CADM2: variants seen among roughly 807,000 people sequenced by gnomAD.
CADM2 encodes the protein cell adhesion molecule 2, also known as immunoglobulin superfamily member 4D.
In CADM2, 12 loss-of-function variants were observed where a neutral mutation model predicts 49.8. That is an observed-to-expected ratio of 0.24 (90% CI 0.15 to 0.39). CADM2 has a LOEUF of 0.39. Among genes scored for constraint, CADM2 ranks in the 10% least tolerant of loss-of-function variants. The probability of loss-of-function intolerance (pLI) is 1.00; values close to 1 mark genes in which losing one functional copy is unlikely to be tolerated. For synonymous variants in CADM2, 214 were observed against 175.4 expected, an observed-to-expected ratio of 1.22 and a Z score of -1.74; for missense variants, 378 against 492.3, an observed-to-expected ratio of 0.77 and a Z score of 2.20.
intron 7 of CADM2, among the ~76,000 whole-genome samples, chr3:85,943,568 C>T (rs1170856042): frequency 1.3e-5 from 2 of 151,528 alleles, no homozygotes; most frequent in Non-Finnish European, 2.9e-5. Context: ...AGCCAGTTTT[C>T]CCAGCACCAT....
At chr3:85,138,564 A>T (rs111695436) in intron 1 of CADM2, among the ~76,000 whole-genome samples, 1 of 152,184 alleles carries the variant, frequency 6.6e-6, no homozygotes, top group Non-Finnish European at 1.5e-5. Context: ...ATGATGTAGG[A>T]TGCAATTTAT....
intron 1 of CADM2, among the ~76,000 whole-genome samples, chr3:85,465,679 A>T (rs911323893): frequency 1.3e-5 from 2 of 152,120 alleles, no homozygotes; most frequent in African/African-American, 4.8e-5. Context: ...TGTTACATTT[A>T]TCTTTGTTGT....
chr3:85,466,777 T>G (rs2038512694), intron 1 of CADM2, among the ~76,000 whole-genome samples: 1 of 152,212 alleles, frequency 6.6e-6, no homozygotes, highest in Non-Finnish European at 1.5e-5. Context: ...GTATTTTTTT[T>G]TCAACAGTTT....
chr3:85,943,302 G>A (rs1488727970), intron 7 of CADM2, among the ~76,000 whole-genome samples: 1 of 135,540 alleles, frequency 7.4e-6, no homozygotes, highest in Admixed American at 7.5e-5. Flanking sequence ...TCAGTCTGAT[G>A]GTAGTTTCTT....
intron 6 of CADM2, among the ~76,000 whole-genome samples, chr3:85,928,079 C>A (rs1000138875): frequency 9.2e-5 from 14 of 152,032 alleles, no homozygotes; most frequent in Non-Finnish European, 1.5e-5. Flanking sequence ...TGATTCAAAT[C>A]CTCAGTCATT....
At chr3:85,151,653 A>C (rs1161556857) in intron 1 of CADM2, among the ~76,000 whole-genome samples, 1 of 152,192 alleles carries the variant, frequency 6.6e-6, no homozygotes, top group Non-Finnish European at 1.5e-5. Flanking sequence ...TGGTTGCTTT[A>C]ATCAGTTCAA....
intron 1 of CADM2, among the ~76,000 whole-genome samples, chr3:85,650,968 A>G (rs1407932768): frequency 6.7e-6 from 1 of 148,594 alleles, no homozygotes; most frequent in Non-Finnish European, 1.5e-5. Context: ...TTGGCTTCAA[A>G]TTGCGCCTTC....
intron 1 of CADM2, among the ~76,000 whole-genome samples, chr3:85,284,557 T>C (rs1265050813): frequency 1.3e-5 from 2 of 152,044 alleles, no homozygotes; most frequent in East Asian, 1.9e-4. Flanking sequence ...AGCAAAGACT[T>C]GAAGTTTTTA....
At chr3:85,049,996 C>T (rs1010024599) in intron 1 of CADM2, among the ~76,000 whole-genome samples, 4 of 152,012 alleles carry the variant, frequency 2.6e-5, no homozygotes, top group African/African-American at 9.7e-5. Context: ...CCTTCTTGAC[C>T]ACGAGGAAAA....
intron 1 of CADM2, among the ~76,000 whole-genome samples, chr3:85,020,492 TAAAC>T (rs1392981351): frequency 2.6e-5 from 4 of 152,272 alleles, no homozygotes; most frequent in South Asian, 2.1e-4. Flanking sequence ...ATAGCTATAA[TAAAC>T]AATCTACTTT....
At chr3:85,105,504 A>G (rs1367446877) in intron 1 of CADM2, among the ~76,000 whole-genome samples, 1 of 152,182 alleles carries the variant, frequency 6.6e-6, no homozygotes, top group Non-Finnish European at 1.5e-5. Flanking sequence ...TGGGACTGTC[A>G]ACTAGTTCAA....
chr3:85,365,261 T>C (rs2032685028), intron 1 of CADM2, among the ~76,000 whole-genome samples: 1 of 144,948 alleles, frequency 6.9e-6, no homozygotes. Flanking sequence ...ATGAGGCACA[T>C]TAAAATGAAG....
At chr3:84,960,867 C>T (rs1444795894) in intron 1 of CADM2, among the ~76,000 whole-genome samples, 6 of 151,888 alleles carry the variant, frequency 4.0e-5, no homozygotes, top group African/African-American at 1.5e-4. Context: ...GCAGGGGCGG[C>T]GTGCTAGGGC....
intron 1 of CADM2, among the ~76,000 whole-genome samples, chr3:85,309,690 T>C (rs1486676560): frequency 6.6e-6 from 1 of 152,196 alleles, no homozygotes; most frequent in African/African-American, 2.4e-5. Context: ...GTCAGACAAC[T>C]GAGTCAATTG....
At chr3:85,645,065 T>G (rs1298255397) in intron 1 of CADM2, among the ~76,000 whole-genome samples, 1 of 152,162 alleles carries the variant, frequency 6.6e-6, no homozygotes, top group African/African-American at 2.4e-5. Context: ...TCTTAAAATT[T>G]TGATTATAAG....
intron 1 of CADM2, among the ~76,000 whole-genome samples, chr3:85,675,606 G>C (rs879216351): frequency 6.6e-6 from 1 of 152,042 alleles, no homozygotes; most frequent in Non-Finnish European, 1.5e-5. Flanking sequence ...GCCTTTCTCC[G>C]GGTATCTTTT....
In CADM2 at chr3:84,959,149, G is replaced by A. The variant is rs905718936; in HGVS notation, c.-459G>A. 5 of 183,528 alleles carry A rather than the reference G, an allele frequency of 2.7e-5. No individual in the cohort carries two copies. The highest frequency in any genetic ancestry group is 6.4e-5 in the Admixed American group (1 of 15,568). The allele number at this position is 183,528 out of a possible 1,614,324, so 11.4% of individuals were successfully genotyped here. A position where few individuals can be genotyped will look rare whatever the true frequency, so the allele number is the denominator to read the frequency against. On this transcript the variant is annotated 5_prime_UTR_variant, in exon 1 of 10. Transcript: ENST00000383699. ...CCCAGGACCCCGAGACACCCCGGGC[G>A]CGAGCGGCAGTGCTGCTTGCTTGCT... is the stretch of plus-strand genomic sequence containing the variant.
chr3:85,179,502 T>A (rs1488051335), intron 1 of CADM2, among the ~76,000 whole-genome samples: 1 of 152,002 alleles, frequency 6.6e-6, no homozygotes, highest in African/African-American at 2.4e-5. Context: ...AATCCTTTTT[T>A]TTAATATGAA....
chr3:85,807,124 G>T (rs1481703694), intron 3 of CADM2, among the ~76,000 whole-genome samples: 1 of 152,106 alleles, frequency 6.6e-6, no homozygotes, highest in Non-Finnish European at 1.5e-5. Flanking sequence ...TGTAACCTGG[G>T]CAGCCTCTGC....
Sources: allele counts gnomAD v4.1 joint callset (sites outside exome capture counted in the v4.1 genomes callset), GRCh38; gene constraint gnomAD v4.1.1; transcripts MANE v1.5; gene names NCBI Gene and HGNC (gene_info 2026-07-23, HGNC 2026-07-21).